The following NKAIN2 variants were observed in gnomAD, a reference collection of about 807,000 sequenced individuals.
NKAIN2 encodes sodium/potassium-transporting ATPase subunit beta-1-interacting protein 2.
In NKAIN2, 14 loss-of-function variants were observed where a neutral mutation model predicts 32.6. The observed-to-expected ratio is 0.43, with a 90% confidence interval of 0.28 to 0.67. The LOEUF (loss-of-function observed/expected upper bound fraction) is 0.67, where lower values mean the gene tolerates loss of function less well. Ranked by LOEUF, NKAIN2 falls within the 30% of genes least tolerant of loss-of-function variation. The pLI, the probability that NKAIN2 is intolerant of heterozygous loss-of-function variation, is 0.17. For synonymous variants in NKAIN2, 80 were observed against 87.2 expected, an observed-to-expected ratio of 0.92 and a Z score of 0.46; for missense variants, 198 against 258.3, an observed-to-expected ratio of 0.77 and a Z score of 1.60.
intron 3 of NKAIN2, among the ~76,000 whole-genome samples, chr6:124,454,919 CA>C (rs1239863742): frequency 1.3e-5 from 2 of 151,948 alleles, no homozygotes; most frequent in African/African-American, 4.8e-5. Flanking sequence ...GATAAGCACT[CA>C]GCCTTGACAA....
At position 123,831,896 on chromosome 6, in the gene NKAIN2, C is replaced by T. The variant is rs570782060; in HGVS notation, c.54+27642C>T. On this transcript the variant is annotated intron_variant, in intron 1 of 6. Transcript: ENST00000368417. ...GTCTTGATCTCCTGACCTCGTGATC[C>T]GCCCGCCTCGGCCTTGCAAAGTGCT... 3.6e-3 allele frequency among the ~76,000 whole-genome samples: 554 copies of T among 152,132 alleles called. 5 individuals are homozygous for T. The highest frequency in any genetic ancestry group is 0.013 in the African/African-American group (528 of 41,524).
At chr6:124,210,267 G>A (rs1279984563) in intron 1 of NKAIN2, among the ~76,000 whole-genome samples, 1 of 151,512 alleles carries the variant, frequency 6.6e-6, no homozygotes, top group Non-Finnish European at 1.5e-5. Flanking sequence ...TGTAATTTAT[G>A]GGTTGTCTAT....
At chr6:124,200,067 C>T (rs183849792) in intron 1 of NKAIN2, among the ~76,000 whole-genome samples, 4 of 152,220 alleles carry the variant, frequency 2.6e-5, no homozygotes, top group African/African-American at 9.6e-5. Flanking sequence ...ACCTTGTTCT[C>T]CATGAACCCA....
chr6:124,146,760 A>G (rs1018345763), intron 1 of NKAIN2, among the ~76,000 whole-genome samples: 8 of 152,226 alleles, frequency 5.3e-5, no homozygotes, highest in Admixed American at 2.6e-4. Context: ...CAAAAAATAC[A>G]TTATGATTCC....
intron 2 of NKAIN2, among the ~76,000 whole-genome samples, chr6:124,300,875 G>A (rs1361514484): frequency 6.6e-6 from 1 of 152,146 alleles, no homozygotes; most frequent in Non-Finnish European, 1.5e-5. Context: ...AGAAAGAAGA[G>A]CATAAAAATT....
intron 3 of NKAIN2, among the ~76,000 whole-genome samples, chr6:124,517,315 C>A (rs1362303004): frequency 6.6e-6 from 1 of 152,102 alleles, no homozygotes; most frequent in East Asian, 1.9e-4. Flanking sequence ...ATTGTTAGGG[C>A]AGAAGAATAG....
chr6:124,780,569 T>A (rs1050999493), intron 4 of NKAIN2, among the ~76,000 whole-genome samples: 2 of 151,826 alleles, frequency 1.3e-5, no homozygotes, highest in South Asian at 2.1e-4. Flanking sequence ...TATGGAAGAG[T>A]AAAGGGGAGC....
intron 3 of NKAIN2, among the ~76,000 whole-genome samples, chr6:124,625,271 A>G (rs766213445): frequency 2.6e-5 from 4 of 152,130 alleles, no homozygotes; most frequent in Non-Finnish European, 4.4e-5. Flanking sequence ...AAAAACAAAA[A>G]TCTTACTTTC....
At chr6:124,293,267 A>T (rs1795899283) in intron 2 of NKAIN2, among the ~76,000 whole-genome samples, 2 of 152,050 alleles carry the variant, frequency 1.3e-5, no homozygotes, top group African/African-American at 4.8e-5. Context: ...TCTGATATTA[A>T]TTTAACTTTC....
intron 3 of NKAIN2, among the ~76,000 whole-genome samples, chr6:124,588,559 G>C (rs923947290): frequency 1.1e-4 from 16 of 152,120 alleles, no homozygotes; most frequent in African/African-American, 3.6e-4. Context: ...CTGTAGGAGA[G>C]GTCAGTTCAA....
intron 2 of NKAIN2, among the ~76,000 whole-genome samples, chr6:124,329,953 A>G (rs1350755202): frequency 6.6e-6 from 1 of 152,192 alleles, no homozygotes; most frequent in African/African-American, 2.4e-5. Flanking sequence ...AATATTTCCA[A>G]TTTTGCCCAG....
intron 1 of NKAIN2, among the ~76,000 whole-genome samples, chr6:124,075,700 C>A (rs369143192): frequency 5.3e-5 from 8 of 152,106 alleles, no homozygotes; most frequent in Admixed American, 3.9e-4. Flanking sequence ...GGTTCAAGCT[C>A]TTCTCCTGCC....
chr6:123,972,831 C>T (rs1344885880), intron 1 of NKAIN2, among the ~76,000 whole-genome samples: 2 of 151,900 alleles, frequency 1.3e-5, no homozygotes, highest in Admixed American at 6.6e-5. Context: ...AAATTTTGGC[C>T]AATGGTAGAT....
chr6:123,847,633 G>A (rs33920917), intron 1 of NKAIN2, among the ~76,000 whole-genome samples: 41,671 of 151,982 alleles, frequency 0.27, 7,043 homozygotes, highest in Admixed American at 0.4. Context: ...GTCTCATGAG[G>A]ATCCCATTTG....
intron 2 of NKAIN2, among the ~76,000 whole-genome samples, chr6:124,285,219 G>A: frequency 6.6e-6 from 1 of 152,170 alleles, no homozygotes; most frequent in East Asian, 1.9e-4. Flanking sequence ...TGGAGATGAT[G>A]TAAATGATAA....
intron 4 of NKAIN2, among the ~76,000 whole-genome samples, chr6:124,760,491 T>TA: frequency 6.6e-6 from 1 of 151,692 alleles, no homozygotes; most frequent in African/African-American, 2.4e-5. Context: ...AAAATAAATT[T>TA]AAAAAAAGCT....
intron 3 of NKAIN2, among the ~76,000 whole-genome samples, chr6:124,553,846 C>T (rs1780379046): frequency 6.6e-6 from 1 of 152,156 alleles, no homozygotes. Flanking sequence ...AGGAAGGGAA[C>T]ATATCTTGAC....
intron 1 of NKAIN2, among the ~76,000 whole-genome samples, chr6:123,872,474 G>A (rs187928816): frequency 2.6e-5 from 4 of 152,360 alleles, no homozygotes; most frequent in Non-Finnish European, 5.9e-5. Flanking sequence ...CCAGCAGCTT[G>A]AGGTACCTCT....
chr6:124,468,973 TG>T (rs1776867975), intron 3 of NKAIN2, among the ~76,000 whole-genome samples: 1 of 152,212 alleles, frequency 6.6e-6, no homozygotes, highest in African/African-American at 2.4e-5. Context: ...GATAAAGCTT[TG>T]TCTACCTTAC....
Sources: allele counts gnomAD v4.1 joint callset (sites outside exome capture counted in the v4.1 genomes callset), GRCh38; gene constraint gnomAD v4.1.1; transcripts MANE v1.5; gene names NCBI Gene and HGNC (gene_info 2026-07-23, HGNC 2026-07-21).